Variants in BMPR2 observed in about 807,000 individuals in gnomAD.
The protein encoded by BMPR2 is bone morphogenetic protein receptor type-2.
A neutral mutation model predicts 100.8 loss-of-function variants in BMPR2; 29 were observed. That is an observed-to-expected ratio of 0.29 (90% confidence interval 0.21 to 0.39). The LOEUF (loss-of-function observed/expected upper bound fraction) is 0.39, where lower values mean the gene tolerates loss of function less well. Ranked by LOEUF, BMPR2 falls within the 10% of genes least tolerant of loss-of-function variation. The pLI, the probability that BMPR2 is intolerant of heterozygous loss-of-function variation, is 1.00. For synonymous variants in BMPR2, 382 were observed against 442.3 expected (o/e 0.86, Z 1.71); for missense variants, 1,011 against 1,274.5 (o/e 0.79, Z 3.15).
chr2:202,516,177 T>TC (rs1345652069), intron 5 of BMPR2, among the ~76,000 whole-genome samples: 1 of 152,066 alleles, frequency 6.6e-6, no homozygotes, highest in Non-Finnish European at 1.5e-5. Context: ...AAAACTATGG[T>TC]CCCCAAACCA....
At chr2:202,434,929 ATATATATT>A (rs1420556583) in intron 1 of BMPR2, among the ~76,000 whole-genome samples, 79 of 102,476 alleles carry the variant, frequency 7.7e-4, no homozygotes, top group South Asian at 1.4e-3. Flanking sequence ...ATATATATAT[ATATATATT>A]TATTTATTTA....
chr2:202,399,786 T>C (rs1314043941), intron 1 of BMPR2, among the ~76,000 whole-genome samples: 1 of 152,196 alleles, frequency 6.6e-6, no homozygotes. Context: ...ATATACTGTT[T>C]TTTAAATAGC....
At chr2:202,461,915 C>CT (rs1471895712) in intron 1 of BMPR2, among the ~76,000 whole-genome samples, 11 of 151,644 alleles carry the variant, frequency 7.3e-5, no homozygotes, top group Admixed American at 1.3e-4. Flanking sequence ...CATTCAATTT[C>CT]TTTTTTTATT....
intron 1 of BMPR2, among the ~76,000 whole-genome samples, chr2:202,426,709 C>T (rs568507062): frequency 7.2e-5 from 11 of 151,828 alleles, no homozygotes; most frequent in Non-Finnish European, 1.5e-4. Flanking sequence ...TAGTAAGATC[C>T]CGTCTCTTCA....
intron 9 of BMPR2, among the ~76,000 whole-genome samples, chr2:202,536,135 C>G (rs2106025061): frequency 6.6e-6 from 1 of 152,158 alleles, no homozygotes; most frequent in African/African-American, 2.4e-5. Context: ...TTTTAAGAGA[C>G]AGAGCCTCAC....
chr2:202,465,347 C>T (rs1409159016), intron 2 of BMPR2, among the ~76,000 whole-genome samples: 3 of 151,812 alleles, frequency 2.0e-5, no homozygotes, highest in Non-Finnish European at 4.4e-5. Context: ...GAGATGTCAC[C>T]AGTGCACTCC....
chr2:202,422,947 G>T (rs1691299401), intron 1 of BMPR2, among the ~76,000 whole-genome samples: 1 of 152,170 alleles, frequency 6.6e-6, no homozygotes, highest in Non-Finnish European at 1.5e-5. Context: ...CAAAGTGCTG[G>T]GATTACAGGC....
chr2:202,500,196 C>G (rs1687353769), intron 3 of BMPR2, among the ~76,000 whole-genome samples: 2 of 152,162 alleles, frequency 1.3e-5, no homozygotes, highest in South Asian at 4.1e-4. Flanking sequence ...GACACTGGCG[C>G]AGCCTTCTCA....
intron 1 of BMPR2, among the ~76,000 whole-genome samples, chr2:202,402,019 G>A (rs1690776942): frequency 6.6e-6 from 1 of 152,362 alleles, no homozygotes; most frequent in Middle Eastern, 3.4e-3. Flanking sequence ...GGGGAAGGCT[G>A]TAATGCCTAA....
At chr2:202,486,186 T>C (rs1692774826) in intron 3 of BMPR2, among the ~76,000 whole-genome samples, 1 of 152,174 alleles carries the variant, frequency 6.6e-6, no homozygotes, top group South Asian at 2.1e-4. Context: ...ATTTAGAACA[T>C]ATATTGCCTT....
intron 1 of BMPR2, among the ~76,000 whole-genome samples, chr2:202,455,426 A>G (rs919015378): frequency 6.6e-6 from 1 of 152,206 alleles, no homozygotes; most frequent in Admixed American, 6.5e-5. Context: ...TGGTTACTGT[A>G]TTAGACAATG....
intron 7 of BMPR2, among the ~76,000 whole-genome samples, chr2:202,523,833 T>C (rs1304787659): frequency 6.7e-6 from 1 of 150,314 alleles, no homozygotes; most frequent in Non-Finnish European, 1.5e-5. Context: ...GAAAATGTGT[T>C]ACACATACAC....
In BMPR2 at chr2:202,450,866, C is replaced by T. The variant is rs552302245; in HGVS notation, c.77-13943C>T. Among the ~76,000 whole-genome samples the T allele has an allele frequency of 3.3e-5, 5 of 152,212 alleles. No individual in the cohort carries two copies. In the South Asian group the frequency reaches 1.0e-3, roughly 32 times the overall value. ...ATTTCATAACAGAATTTGTGATACT[C>T]TGAAATCCCAGTTGTATTTGTCTTG... On this transcript the variant is annotated intron_variant, in intron 1 of 12. Transcript: ENST00000374580.
At chr2:202,533,562 CA>C (rs1688067699) in intron 9 of BMPR2, among the ~76,000 whole-genome samples, 2 of 151,706 alleles carry the variant, frequency 1.3e-5, no homozygotes, top group Non-Finnish European at 2.9e-5. Context: ...CGGTGGCTTA[CA>C]CCTGTAATCC....
chr2:202,420,333 A>G (rs2105923293), intron 1 of BMPR2, among the ~76,000 whole-genome samples: 1 of 152,192 alleles, frequency 6.6e-6, no homozygotes, highest in East Asian at 1.9e-4. Context: ...ATTAAATAAG[A>G]TAGTATAGTT....
intron 1 of BMPR2, among the ~76,000 whole-genome samples, chr2:202,448,146 T>C (rs1266687551): frequency 6.9e-6 from 1 of 144,020 alleles, no homozygotes; most frequent in Non-Finnish European, 1.5e-5. Context: ...GTATTTGACT[T>C]TTTTTTTTGA....
chr2:202,388,652 G>A (rs1690483542), intron 1 of BMPR2, among the ~76,000 whole-genome samples: 1 of 151,686 alleles, frequency 6.6e-6, no homozygotes, highest in South Asian at 2.1e-4. Flanking sequence ...GTTGGGCATG[G>A]TGGTGGGTGC....
intron 10 of BMPR2, among the ~76,000 whole-genome samples, chr2:202,551,401 A>G (rs961575749): frequency 4.0e-5 from 6 of 150,424 alleles, no homozygotes; most frequent in Non-Finnish European, 7.4e-5. Flanking sequence ...GCAGGCGCCT[A>G]TAATCTCAGC....
chr2:202,488,479 G>A (rs1282863110), intron 3 of BMPR2, among the ~76,000 whole-genome samples: 2 of 152,082 alleles, frequency 1.3e-5, no homozygotes, highest in African/African-American at 2.4e-5. Flanking sequence ...AAAAAACAGA[G>A]TCAGGTTCTC....
Sources: gnomAD v4.1 joint callset for allele counts (sites outside exome capture counted in the v4.1 genomes callset) on GRCh38, gnomAD v4.1.1 for gene constraint, MANE v1.5 for transcripts, NCBI Gene and HGNC (gene_info 2026-07-23, HGNC 2026-07-21) for gene names.